The following IFIH1 variants were observed in gnomAD, a reference collection of about 807,000 sequenced individuals.
IFIH1 encodes the protein interferon induced with helicase C domain 1, also known as interferon-induced helicase C domain-containing protein 1.
Under a neutral mutation model 107.4 loss-of-function variants are expected in IFIH1, and 125 were observed. That is an observed-to-expected ratio of 1.16 (90% CI 1.01 to 1.35). IFIH1 has a LOEUF of 1.35. Among genes scored for constraint, IFIH1 ranks in the 40% most tolerant of loss-of-function variants. The pLI, the probability that IFIH1 is intolerant of heterozygous loss-of-function variation, is 0.00. For missense variants in IFIH1, 1,333 were observed against 1,213.7 expected (o/e 1.10, Z -1.46); for synonymous variants, 458 against 413.2 (o/e 1.11, Z -1.31).
intron 3 of IFIH1, among the ~76,000 whole-genome samples, chr2:162,305,889 C>A (rs1455224056): frequency 2.0e-5 from 3 of 152,188 alleles, no homozygotes; most frequent in Non-Finnish European, 4.4e-5. Context: ...CACTGCACAG[C>A]TCTTCCCAGC....
At chr2:162,279,071 T>TA (rs1682762283) in intron 8 of IFIH1, among the ~76,000 whole-genome samples, 2 of 152,222 alleles carry the variant, frequency 1.3e-5, no homozygotes, top group South Asian at 4.1e-4. Context: ...CAAATTCTTT[T>TA]AAAAAATGTA....
intron 13 of IFIH1, among the ~76,000 whole-genome samples, chr2:162,269,053 C>T (rs1690982656): frequency 6.6e-6 from 1 of 152,178 alleles, no homozygotes; most frequent in African/African-American, 2.4e-5. Context: ...AGACCCTTCA[C>T]CATCTTAATC....
intron 3 of IFIH1, among the ~76,000 whole-genome samples, chr2:162,296,513 AT>A (rs1683087472): frequency 6.6e-6 from 1 of 152,142 alleles, no homozygotes; most frequent in Non-Finnish European, 1.5e-5. Flanking sequence ...GTGGGGCAGA[AT>A]CCTCATTTCT....
chr2:162,314,425 TTTCTTTCTTTC>T (rs1558877497), intron 1 of IFIH1, among the ~76,000 whole-genome samples: 21 of 69,996 alleles, frequency 3.0e-4, no homozygotes, highest in East Asian at 1.3e-3. Context: ...CTTTTCTTTC[TTTCTTTCTTTC>T]TTTCTTTCTT....
chr2:162,268,135 A>G lies in IFIH1; in HGVS notation c.2759T>C (p.Ile920Thr), dbSNP rs748895438. ...GTGATGCATTTTCTCAATTACATGG[A>G]TATCTTCCCCAGAACAGGCTAGCAC... ...CSVLACSGED[I>T]HVIEKMHHVN... Residue 920 changes from isoleucine (I) to threonine (T), a missense_variant, in exon 14 of 16, where the codon ATC becomes ACC. By Grantham distance (89) the Ile-to-Thr change is moderately conservative (BLOSUM62 -1). Coordinates refer to ENST00000649979, the MANE Select transcript of IFIH1 (RefSeq NM_022168.4). 20 of 1,611,488 alleles carry G rather than the reference A, an allele frequency of 1.2e-5. No individual in the cohort carries two copies. The highest frequency in any genetic ancestry group is 1.7e-5 in the Admixed American group (1 of 59,644).
chr2:162,299,969 C>G (rs1003302029), intron 3 of IFIH1, among the ~76,000 whole-genome samples: 35 of 152,182 alleles, frequency 2.3e-4, no homozygotes, highest in African/African-American at 8.4e-4. Context: ...ATAGTGCTCT[C>G]AAGGCTCAGA....
Position 162,312,793 on chromosome 2 carries a change from G to C in IFIH1, c.454-1860C>G, listed in dbSNP as rs183071131. Among the ~76,000 whole-genome samples the C allele has an allele frequency of 4.4e-3, 664 of 152,084 alleles. 7 individuals are homozygous for C. Among genetic ancestry groups the C allele is most frequent in the African/African-American group, 0.015 (630 of 41,476 alleles). On this transcript the variant is annotated intron_variant, in intron 1 of 15. Coordinates refer to ENST00000649979, the MANE Select transcript of IFIH1 (RefSeq NM_022168.4). The stretch of plus-strand genomic sequence containing the variant: ...AATTGCTATAGATGTAAATAAGACT[G>C]GTTTCAGTGTCTTCTTTTAACTCAG...
At chr2:162,300,427 C>T (rs1457867976) in intron 3 of IFIH1, among the ~76,000 whole-genome samples, 1 of 152,176 alleles carries the variant, frequency 6.6e-6, no homozygotes, top group Non-Finnish European at 1.5e-5. Context: ...GTCTTTCTGT[C>T]ATAATATTTA....
intron 1 of IFIH1, among the ~76,000 whole-genome samples, chr2:162,314,331 T>C (rs1683431771): frequency 6.6e-6 from 1 of 151,658 alleles, no homozygotes; most frequent in South Asian, 2.1e-4. Context: ...TTGTATACAG[T>C]AGACATTCTT....
intron 4 of IFIH1, 27 bp from the exon 5 acceptor site, chr2:162,288,382 G>A: frequency 6.4e-7 from 1 of 1,550,888 alleles, no homozygotes; most frequent in Non-Finnish European, 8.9e-7. Context: ...AGAAAAATAA[G>A]AGAAGGGACA....
At chr2:162,280,179 C>G in intron 7 of IFIH1, 67 bp from the exon 8 acceptor site, 1 of 843,404 alleles carries the variant, frequency 1.2e-6, no homozygotes, top group Non-Finnish European at 2.0e-6. Flanking sequence ...CAACGTAGAA[C>G]TCTTTTTCAT....
At chr2:162,310,293 T>G (rs542926215) in intron 2 of IFIH1, 1 of 163,552 alleles carries the variant, frequency 6.1e-6, no homozygotes, top group Non-Finnish European at 1.3e-5. Flanking sequence ...AAATGTTATG[T>G]TATTACTATT....
chr2:162,308,269 C>CA (rs991944191), intron 2 of IFIH1, among the ~76,000 whole-genome samples: 23 of 152,288 alleles, frequency 1.5e-4, no homozygotes, highest in African/African-American at 5.5e-4. Context: ...CCTGCGTCCT[C>CA]ACACGGTTAA....
rs1690942976 is a variant in IFIH1, at chr2:162,267,292, T to C, written c.2986A>G (p.Thr996Ala). ...NFVVVFKNNSTKKQYKKWVEL... is the reference protein window; with the variant it reads ...NFVVVFKNNSAKKQYKKWVEL... ...ACCCACTTTTTGTATTGTTTCTTTG[T>C]TGAATTATTTTTGAAAACCACTACA... The change falls in exon 16 of 16, where the codon ACA becomes GCA. Residue 996 changes from threonine to alanine, a missense_variant. Transcript: ENST00000649979. 3 of 1,612,386 alleles carry C rather than the reference T, an allele frequency of 1.9e-6. No homozygotes were observed. The highest frequency in any genetic ancestry group is 3.3e-4 in the Middle Eastern group (2 of 6,040).
intron 1 of IFIH1, among the ~76,000 whole-genome samples, chr2:162,314,433 TTTCTTTCTTTCTTTCTTTCTTTC>T (rs1683445712): frequency 9.3e-5 from 10 of 107,914 alleles, no homozygotes; most frequent in Admixed American, 7.9e-4. Flanking sequence ...TCTTTCTTTC[TTTCTTTCTTTCTTTCTTTCTTTC>T]TTTCTTTCTT....
chr2:162,282,887 G>A (rs888246146), intron 5 of IFIH1, among the ~76,000 whole-genome samples: 1 of 151,256 alleles, frequency 6.6e-6, no homozygotes, highest in African/African-American at 2.4e-5. Flanking sequence ...ACAACACAAT[G>A]TAATAATGCT....
At position 162,276,858 on chromosome 2, in the gene IFIH1, T is replaced by C. The variant is rs368922101; in HGVS notation, c.2133A>G (p.Gln711=). Residue 711 remains glutamine (Q), a synonymous_variant, in exon 11 of 16, where the codon CAA becomes CAG. Coordinates refer to ENST00000649979, the MANE Select transcript of IFIH1 (RefSeq NM_022168.4). ...LTKLRNTIME[Q]YTRTEESARG... is the part of the protein sequence containing the mutation. ...GTGCTGATTCCTCAGTCCTAGTATA[T>C]TGCTCCATTATGGTATTTCTTAATT... 4.8e-5 allele frequency: 77 copies of C among 1,613,872 alleles called. No homozygotes were observed. Among genetic ancestry groups the C allele is most frequent in the African/African-American group, 3.2e-4 (24 of 75,036 alleles).
rs1275800656 is a variant in IFIH1 at position 162,279,993 on chromosome 2, T to C, written c.1641+3A>G. 2 of 1,490,522 alleles carry C rather than the reference T, an allele frequency of 1.3e-6. No homozygotes were observed. The highest frequency in any genetic ancestry group is 1.4e-5 in the African/African-American group (1 of 72,390). 92.3% of individuals were successfully genotyped at this position (1,490,522 alleles called of 1,614,324 possible). A position where few individuals can be genotyped will look rare whatever the true frequency, so the allele number is the denominator to read the frequency against. On this transcript the variant is annotated splice_donor_region_variant and intron_variant, in intron 8 of 15. Transcript: ENST00000649979. ...CAATAGATATAAAACATTAAGCCCA[T>C]ACTTCTCTGGTTGCATCTGCAATGG... is the stretch of plus-strand genomic sequence containing the variant.
intron 3 of IFIH1, among the ~76,000 whole-genome samples, chr2:162,302,034 C>T (rs1380293895): frequency 6.6e-6 from 1 of 152,098 alleles, no homozygotes; most frequent in African/African-American, 2.4e-5. Flanking sequence ...GGAAAAAGGA[C>T]ACATATCAAC....
Sources: gnomAD v4.1 joint callset for allele counts (sites outside exome capture counted in the v4.1 genomes callset) on GRCh38, gnomAD v4.1.1 for gene constraint, MANE v1.5 for transcripts, NCBI Gene and HGNC (gene_info 2026-07-23, HGNC 2026-07-21) for gene names.